Variants in HUNK observed in about 807,000 individuals in gnomAD.
HUNK encodes hormonally up-regulated neu tumor-associated kinase.
In HUNK, 21 loss-of-function variants were observed where a neutral mutation model predicts 61.0. The observed-to-expected ratio is 0.34, with a 90% CI of 0.24 to 0.50. HUNK has a LOEUF of 0.50. Ranked by LOEUF, HUNK falls within the 20% of genes least tolerant of loss-of-function variation. HUNK has a pLI of 0.98. For synonymous variants in HUNK, 371 were observed against 386.1 expected (o/e 0.96, Z 0.46); for missense variants, 772 against 945.7 (o/e 0.82, Z 2.41).
chr21:31,954,228 C>T (rs1398006003), intron 4 of HUNK, among the ~76,000 whole-genome samples: 1 of 152,164 alleles, frequency 6.6e-6, no homozygotes, highest in Non-Finnish European at 1.5e-5. Context: ...ATACGACACC[C>T]CCACCTGGGA....
chr21:31,911,724 G>A (rs2052546886), intron 1 of HUNK, among the ~76,000 whole-genome samples: 1 of 151,940 alleles, frequency 6.6e-6, no homozygotes, highest in South Asian at 2.1e-4. Context: ...TTAGACATTG[G>A]CATGTCAGGA....
chr21:31,978,167 G>T (rs985900170), intron 7 of HUNK, among the ~76,000 whole-genome samples: 1 of 152,132 alleles, frequency 6.6e-6, no homozygotes, highest in African/African-American at 2.4e-5. Flanking sequence ...AACTGGAAAA[G>T]GTTTGGGGGT....
At chr21:31,974,330 A>G (rs1255127499) in intron 6 of HUNK, 2 of 374,008 alleles carry the variant, frequency 5.3e-6, no homozygotes, top group Non-Finnish European at 9.4e-6. Flanking sequence ...AGCAAAAAAA[A>G]AATGCAAGGA....
At chr21:31,947,248 T>C (rs1243236213) in intron 4 of HUNK, among the ~76,000 whole-genome samples, 1 of 141,936 alleles carries the variant, frequency 7.0e-6, no homozygotes, top group Admixed American at 6.9e-5. Context: ...CACATCCCAG[T>C]CTCAAGCCAG....
At chr21:31,997,071 C>T (rs943480530) in intron 10 of HUNK, among the ~76,000 whole-genome samples, 2 of 152,216 alleles carry the variant, frequency 1.3e-5, no homozygotes, top group Non-Finnish European at 2.9e-5. Flanking sequence ...CTTCCCAGTG[C>T]CCTCAGCCAC....
chr21:31,887,660 G>A (rs1200075234), intron 1 of HUNK, among the ~76,000 whole-genome samples: 1 of 152,126 alleles, frequency 6.6e-6, no homozygotes, highest in Non-Finnish European at 1.5e-5. Context: ...GCTCTTTGCC[G>A]GGGCTCTGTG....
chr21:31,902,021 G>C (rs2052471415), intron 1 of HUNK, among the ~76,000 whole-genome samples: 1 of 152,122 alleles, frequency 6.6e-6, no homozygotes. Context: ...TCTGTAAAAA[G>C]GCATAGGTGT....
At chr21:31,954,763 T>C (rs906660618) in intron 4 of HUNK, among the ~76,000 whole-genome samples, 2 of 152,074 alleles carry the variant, frequency 1.3e-5, no homozygotes, top group African/African-American at 4.8e-5. Context: ...CATCCAGGAA[T>C]GTGCGTTTTC....
intron 5 of HUNK, among the ~76,000 whole-genome samples, chr21:31,966,671 A>G (rs2052968842): frequency 6.6e-6 from 1 of 152,256 alleles, no homozygotes; most frequent in Non-Finnish European, 1.5e-5. Context: ...TTCCTCAAGA[A>G]CAATGTTCAA....
intron 8 of HUNK, among the ~76,000 whole-genome samples, chr21:31,986,307 C>A (rs2053132596): frequency 1.3e-5 from 2 of 152,012 alleles, no homozygotes; most frequent in Admixed American, 1.3e-4. Flanking sequence ...CCCCCAGAGC[C>A]AACCCATCAC....
At chr21:31,901,892 C>T (rs747772190) in intron 1 of HUNK, among the ~76,000 whole-genome samples, 15 of 152,066 alleles carry the variant, frequency 9.9e-5, no homozygotes, top group Admixed American at 7.2e-4. Flanking sequence ...AGGCCCAGCT[C>T]AGGCCTCAAC....
chr21:31,895,214 G>A (rs2052417037), intron 1 of HUNK, among the ~76,000 whole-genome samples: 1 of 152,142 alleles, frequency 6.6e-6, no homozygotes, highest in Non-Finnish European at 1.5e-5. Flanking sequence ...TAGGGTCTTG[G>A]GGGAATGCCC....
At chr21:31,980,782 G>A (rs770501100) in intron 7 of HUNK, among the ~76,000 whole-genome samples, 14 of 151,944 alleles carry the variant, frequency 9.2e-5, no homozygotes, top group Middle Eastern at 3.4e-3. Context: ...TCCATTCATC[G>A]CAACCTCCGT....
At chr21:31,941,309 C>CTTT (rs1202027816) in intron 3 of HUNK, among the ~76,000 whole-genome samples, 7 of 137,310 alleles carry the variant, frequency 5.1e-5, no homozygotes, top group African/African-American at 1.0e-4. Flanking sequence ...TTCTCTCTCT[C>CTTT]TTTTTTTTTT....
At chr21:31,950,360 G>A (rs1460653885) in intron 4 of HUNK, among the ~76,000 whole-genome samples, 1 of 152,142 alleles carries the variant, frequency 6.6e-6, no homozygotes, top group African/African-American at 2.4e-5. Flanking sequence ...TTTTGTTATG[G>A]CAACCCTAGC....
At position 31,963,641 on chromosome 21, in the gene HUNK, C is replaced by T. The variant is rs368290362; in HGVS notation, c.875-4609C>T. On this transcript the variant is annotated intron_variant, in intron 5 of 10. Transcript: ENST00000270112. ...CCTCCCAAGTAGCTGGGACTGCAGG[C>T]GCATGCCACCATGCCCAGCTAATTT... 1.9e-4 allele frequency among the ~76,000 whole-genome samples: 29 copies of T among 150,364 alleles called. 2 individuals carry two copies. The South Asian group carries it at 3.9e-3, about 20-fold the overall frequency.
chr21:31,925,094 TC>T (rs1185062677), intron 2 of HUNK, among the ~76,000 whole-genome samples: 1 of 152,170 alleles, frequency 6.6e-6, no homozygotes, highest in Non-Finnish European at 1.5e-5. Context: ...AGACGGGGTT[TC>T]ACCATGTTGG....
intron 6 of HUNK, among the ~76,000 whole-genome samples, chr21:31,970,319 G>A (rs1418895722): frequency 6.6e-6 from 1 of 152,208 alleles, no homozygotes; most frequent in African/African-American, 2.4e-5. Context: ...ACCGTGCCCA[G>A]AGAGGAGGTG....
intron 7 of HUNK, among the ~76,000 whole-genome samples, chr21:31,976,459 CTTTTTTT>C (rs34950116): frequency 4.7e-5 from 3 of 63,610 alleles, no homozygotes; most frequent in African/African-American, 6.3e-5. Flanking sequence ...TTTTTTGAGA[CTTTTTTT>C]TTTTTTTTTT....
Sources: allele counts gnomAD v4.1 joint callset (sites outside exome capture counted in the v4.1 genomes callset), GRCh38; gene constraint gnomAD v4.1.1; transcripts MANE v1.5; gene names NCBI Gene and HGNC (gene_info 2026-07-23, HGNC 2026-07-21).